Variants in GABRG1 observed in about 807,000 individuals in gnomAD.
GABRG1 encodes the protein gamma-aminobutyric acid receptor subunit gamma-1.
GABRG1 carries 49 observed loss-of-function variants against 49.8 expected under a neutral mutation model. That is an observed-to-expected ratio of 0.98 (90% CI 0.78 to 1.25). GABRG1 has a LOEUF of 1.25. Ranked by LOEUF, GABRG1 falls within the 50% of genes most tolerant of loss-of-function variation. The pLI is 0.00. For synonymous variants in GABRG1, 232 were observed against 185.1 expected, an observed-to-expected ratio of 1.25 and a Z score of -2.06; for missense variants, 552 against 552.3, an observed-to-expected ratio of 1.00 and a Z score of 0.01.
chr4:46,111,234 T>C (rs1344043171), intron 1 of GABRG1, among the ~76,000 whole-genome samples: 1 of 150,794 alleles, frequency 6.6e-6, no homozygotes, highest in African/African-American at 2.4e-5. Flanking sequence ...ATCAAGAATG[T>C]AATCCCATTT....
At chr4:46,091,548 G>T (rs1560367406) in intron 2 of GABRG1, among the ~76,000 whole-genome samples, 1 of 151,958 alleles carries the variant, frequency 6.6e-6, no homozygotes, top group East Asian at 1.9e-4. Context: ...AGAAAAGATT[G>T]CAAATATTAT....
chr4:46,052,115 A>G (rs563298714), intron 7 of GABRG1, among the ~76,000 whole-genome samples: 3 of 152,000 alleles, frequency 2.0e-5, no homozygotes, highest in African/African-American at 4.8e-5. Context: ...CCAGACCAAT[A>G]GCACTATCTT....
intron 2 of GABRG1, among the ~76,000 whole-genome samples, chr4:46,095,992 C>G (rs1720152908): frequency 6.6e-6 from 1 of 151,714 alleles, no homozygotes; most frequent in African/African-American, 2.4e-5. Flanking sequence ...CACCCAGTGT[C>G]TGTTATTCCT....
chr4:46,053,828 C>T (rs554646679), intron 7 of GABRG1, among the ~76,000 whole-genome samples: 1 of 152,016 alleles, frequency 6.6e-6, no homozygotes, highest in East Asian at 1.9e-4. Flanking sequence ...ACTGTCATTA[C>T]CTTGAGAAGA....
intron 1 of GABRG1, among the ~76,000 whole-genome samples, chr4:46,117,403 A>G (rs1302056279): frequency 1.3e-5 from 2 of 150,308 alleles, no homozygotes; most frequent in Non-Finnish European, 3.0e-5. Flanking sequence ...TAAATTATAT[A>G]GCCTTCAATA....
rs1718878266 is a variant in GABRG1, at chr4:46,065,529, AAT to A, written c.375_376del (p.Lys125AsnfsTer3). The A allele has an allele frequency of 6.2e-7, 1 of 1,608,762 alleles. No individual in the cohort carries two copies. Among genetic ancestry groups the A allele is most frequent in the Non-Finnish European group, 8.5e-7 (1 of 1,175,598 alleles). On this transcript the variant is annotated frameshift_variant, in exon 4 of 9. Transcript: ENST00000295452. LOFTEE classifies it high-confidence loss of function. ...CATAAGCACTTTCATGGTACTATTG[AAT>A]TTTAAACGACTGTCAAACCAGGTTT... is the stretch of plus-strand genomic sequence containing the variant.
At chr4:46,117,550 G>GTCTCTC (rs373546541) in intron 1 of GABRG1, among the ~76,000 whole-genome samples, 40 of 116,680 alleles carry the variant, frequency 3.4e-4, no homozygotes, top group African/African-American at 9.6e-4. Context: ...TGTTATCTCT[G>GTCTCTC]TCTCTCTCTC....
At chr4:46,064,552 T>A in intron 4 of GABRG1, 29 bp from the exon 5 acceptor site, 2 of 1,131,046 alleles carry the variant, frequency 1.8e-6, no homozygotes, top group South Asian at 1.7e-5. Context: ...AAGTATTAAA[T>A]AAAGATAAAT....
rs952083511 is a variant in GABRG1, at chr4:46,118,081, T to C, written c.104+5729A>G. ...ATGTATACATATGTGTGTGTATATA[T>C]ATACATATGTATACATATGTGTGTA... On this transcript the variant is annotated intron_variant, in intron 1 of 8. Coordinates refer to ENST00000295452, the MANE Select transcript of GABRG1 (RefSeq NM_173536.4). Among the ~76,000 whole-genome samples, 9 of 142,534 alleles carry C rather than the reference T, an allele frequency of 6.3e-5. 2 individuals are homozygous for C. The highest frequency in any genetic ancestry group is 2.4e-4 in the African/African-American group (9 of 37,258). 93.5% of individuals were successfully genotyped at this position (142,534 alleles called of 152,430 possible). A position where few individuals can be genotyped will look rare whatever the true frequency, so the allele number is the denominator to read the frequency against.
At chr4:46,078,118 A>G (rs1388614297) in intron 3 of GABRG1, among the ~76,000 whole-genome samples, 1 of 151,788 alleles carries the variant, frequency 6.6e-6, no homozygotes, top group African/African-American at 2.4e-5. Context: ...AGAAATTAAA[A>G]CCATAGTTTC....
chr4:46,088,894 C>G (rs890828367), intron 2 of GABRG1, among the ~76,000 whole-genome samples: 1 of 151,144 alleles, frequency 6.6e-6, no homozygotes, highest in Non-Finnish European at 1.5e-5. Context: ...TTCTCATTCT[C>G]TACTTAAATA....
At chr4:46,071,783 T>A (rs1020715191) in intron 3 of GABRG1, among the ~76,000 whole-genome samples, 1 of 151,994 alleles carries the variant, frequency 6.6e-6, no homozygotes, top group Non-Finnish European at 1.5e-5. Flanking sequence ...AAGAAAATAC[T>A]TTGTACAGTT....
chr4:46,112,787 A>T (rs1412609187), intron 1 of GABRG1, among the ~76,000 whole-genome samples: 1 of 151,106 alleles, frequency 6.6e-6, no homozygotes, highest in Non-Finnish European at 1.5e-5. Context: ...AGAGAGGGCA[A>T]GGAGGTATGA....
intron 3 of GABRG1, among the ~76,000 whole-genome samples, chr4:46,078,339 T>C (rs10938425): frequency 0.57 from 85,850 of 151,822 alleles, 24,771 homozygotes; most frequent in African/African-American, 0.63. Context: ...CAAGCTAATG[T>C]ACTTGGCAAG....
At chr4:46,112,894 G>A (rs574592741) in intron 1 of GABRG1, among the ~76,000 whole-genome samples, 1 of 150,816 alleles carries the variant, frequency 6.6e-6, no homozygotes, top group Non-Finnish European at 1.5e-5. Context: ...AATATACACA[G>A]GTAAAAAATC....
At chr4:46,115,757 C>T (rs1189068025) in intron 1 of GABRG1, among the ~76,000 whole-genome samples, 1 of 150,698 alleles carries the variant, frequency 6.6e-6, no homozygotes, top group African/African-American at 2.4e-5. Flanking sequence ...ATTTAAATTG[C>T]TTTTAGCACT....
intron 3 of GABRG1, among the ~76,000 whole-genome samples, chr4:46,080,435 T>G (rs1719521651): frequency 1.3e-5 from 2 of 151,882 alleles, no homozygotes; most frequent in Admixed American, 6.6e-5. Context: ...GCTTTTCTTT[T>G]TAATAAACAT....
chr4:46,043,801 G>A (rs1047060293), intron 8 of GABRG1, among the ~76,000 whole-genome samples: 8 of 151,788 alleles, frequency 5.3e-5, no homozygotes, highest in Admixed American at 3.9e-4. Flanking sequence ...ACTATTTTGA[G>A]AAATTCATCA....
intron 1 of GABRG1, among the ~76,000 whole-genome samples, chr4:46,097,634 C>A (rs1466340840): frequency 6.6e-6 from 1 of 151,470 alleles, no homozygotes; most frequent in East Asian, 2.0e-4. Context: ...ATTATTCCAC[C>A]AAAATATGAC....
Sources: allele counts gnomAD v4.1 joint callset (sites outside exome capture counted in the v4.1 genomes callset), GRCh38; gene constraint gnomAD v4.1.1; transcripts MANE v1.5; gene names NCBI Gene and HGNC (gene_info 2026-07-23, HGNC 2026-07-21).